NUP214: variants seen among roughly 807,000 people sequenced by gnomAD.
The protein encoded by NUP214 is nuclear pore complex protein Nup214.
In NUP214, 79 loss-of-function variants were observed where a neutral mutation model predicts 196.2. The observed-to-expected ratio is 0.40, with a 90% CI of 0.34 to 0.49. The LOEUF (loss-of-function observed/expected upper bound fraction) is 0.49. NUP214 is among the 20% of genes least tolerant of loss of function. The pLI is 0.58. For missense variants in NUP214, 2,468 were observed against 2,539.0 expected (o/e 0.97, Z 0.60); for synonymous variants, 1,020 against 990.5 (o/e 1.03, Z -0.56).
At chr9:131,191,887 G>C (rs966169314) in intron 26 of NUP214, 1 of 181,608 alleles carries the variant, frequency 5.5e-6, no homozygotes, top group East Asian at 1.3e-4. Context: ...CCATACCATT[G>C]AAATATATAA....
intron 23 of NUP214, among the ~76,000 whole-genome samples, chr9:131,177,332 A>G (rs938681251): frequency 2.0e-5 from 3 of 152,218 alleles, no homozygotes; most frequent in Non-Finnish European, 4.4e-5. Context: ...TACTTGGACC[A>G]GGTAGAATCT....
At chr9:131,223,248 C>T (rs1300981478) in intron 32 of NUP214, among the ~76,000 whole-genome samples, 3 of 151,816 alleles carry the variant, frequency 2.0e-5, no homozygotes, top group African/African-American at 7.3e-5. Flanking sequence ...CTCACAGCAA[C>T]CTCCAACTCC....
At chr9:131,213,959 G>A (rs572608294) in intron 30 of NUP214, among the ~76,000 whole-genome samples, 16 of 152,332 alleles carry the variant, frequency 1.1e-4, no homozygotes, top group African/African-American at 3.8e-4. Context: ...GACAGATCAT[G>A]TTGGGCCTTC....
In NUP214 at chr9:131,140,666, C is replaced by T. The variant is rs750448660; in HGVS notation, c.1250C>T (p.Pro417Leu). 6.2e-7 allele frequency: 1 copy of T among 1,613,934 alleles called. No individual in the cohort carries two copies. The change falls in exon 11 of 36, where the codon CCA becomes CTA. Residue 417 changes from proline to leucine, a missense_variant. Physicochemically the swap from Pro to Leu is moderately conservative, Grantham distance 98. Coordinates refer to ENST00000359428, the MANE Select transcript of NUP214 (RefSeq NM_005085.4). ...GGGGTTAAGTCTCTCATCAAAACAC[C>T]AGAGCGACTTTCATTAGAAGGAGAG... ...NPGVKSLIKT[P>L]ERLSLEGERQ...
chr9:131,152,996 G>A (rs760530484), intron 17 of NUP214, among the ~76,000 whole-genome samples: 1 of 151,950 alleles, frequency 6.6e-6, no homozygotes, highest in Non-Finnish European at 1.5e-5. Flanking sequence ...GGCTGGTCTC[G>A]AACTCCTGAG....
In NUP214 at chr9:131,139,240, T is replaced by TTTCTTC. The variant is rs750793721; in HGVS notation, c.1006-29_1006-24dup. 9 of 1,451,330 alleles carry TTTCTTC rather than the reference T, an allele frequency of 6.2e-6. No homozygotes were observed. In the African/African-American group the frequency reaches 8.8e-5, roughly 14 times the overall value. 89.9% of individuals were successfully genotyped at this position (1,451,330 alleles called of 1,614,324 possible). Reference sequence around the variant, plus strand: ...CTCTAACCAACATGGCTTTTTCTTTTTTCTTCTTCTTCTTCTTTTTTTTTT... The same window carrying TTTCTTC: ...CTCTAACCAACATGGCTTTTTCTTTTTTCTTCTTCTTCTTCTTCTTCTTTTTTTTTT... On this transcript the variant is annotated intron_variant, in intron 9 of 35. Transcript: ENST00000359428.
Position 131,132,116 on chromosome 9 carries a change from TTTC to T in NUP214, c.664-477_664-475del, listed in dbSNP as rs1324424202. ...GCGTTCATGCGTTTCTTTTCTTTTC[TTTC>T]TTTTTTTTTTTTTTTTGGAGACCAA... On this transcript the variant is annotated intron_variant, in intron 5 of 35. Transcript: ENST00000359428. 2.8e-3 allele frequency among the ~76,000 whole-genome samples: 16 copies of T among 5,674 alleles called. 3 individuals are homozygous for T. Among genetic ancestry groups the T allele is most frequent in the South Asian group, 0.032 (2 of 62 alleles). The allele number at this position is 5,674 out of a possible 152,430, so 3.7% of individuals were successfully genotyped here.
intron 17 of NUP214, among the ~76,000 whole-genome samples, chr9:131,158,533 C>A (rs1588138275): frequency 6.6e-6 from 1 of 152,152 alleles, no homozygotes; most frequent in East Asian, 1.9e-4. Context: ...TGATAGTGTT[C>A]TTTGATTTTG....
At chr9:131,164,310 G>T (rs1832724727) in intron 21 of NUP214, 166 bp downstream of exon 21, 1 of 619,598 alleles carries the variant, frequency 1.6e-6, no homozygotes, top group Non-Finnish European at 2.8e-6. Flanking sequence ...AATGTCTCCA[G>T]AATCTGTTGT....
chr9:131,126,094 G>A (rs1831338847), intron 1 of NUP214: 1 of 314,070 alleles, frequency 3.2e-6, no homozygotes, highest in East Asian at 6.9e-5. Flanking sequence ...ACGTAGAGGA[G>A]TAAGTTGAGG....
At chr9:131,173,166 C>T (rs556048872) in intron 21 of NUP214, among the ~76,000 whole-genome samples, 1 of 152,268 alleles carries the variant, frequency 6.6e-6, no homozygotes, top group South Asian at 2.1e-4. Flanking sequence ...AAGCGATTCT[C>T]CTGCCTCAGC....
At chr9:131,167,398 T>A (rs187887224) in intron 21 of NUP214, 9 of 152,388 alleles carry the variant, frequency 5.9e-5, no homozygotes, top group African/African-American at 2.2e-4. Context: ...CTGTTGGACA[T>A]GTGCTGCTTT....
intron 30 of NUP214, among the ~76,000 whole-genome samples, chr9:131,214,567 T>G (rs1462094937): frequency 6.6e-6 from 1 of 152,186 alleles, no homozygotes; most frequent in Non-Finnish European, 1.5e-5. Context: ...AGAACCAGCT[T>G]CCAGAGAAGT....
At chr9:131,151,256 C>T (rs1422428910) in intron 16 of NUP214, among the ~76,000 whole-genome samples, 2 of 152,212 alleles carry the variant, frequency 1.3e-5, no homozygotes, top group African/African-American at 4.8e-5. Context: ...TGTATTATCT[C>T]ACTGAATCCT....
intron 21 of NUP214, among the ~76,000 whole-genome samples, chr9:131,168,276 A>C (rs1832844400): frequency 6.6e-6 from 1 of 152,232 alleles, no homozygotes; most frequent in East Asian, 1.9e-4. Context: ...CTGTTTAAGA[A>C]ATCCTCTATC....
Position 131,195,271 on chromosome 9 carries a change from C to T in NUP214, c.3698C>T (p.Ser1233Phe), listed in dbSNP as rs554027256. 2 of 1,613,496 alleles carry T rather than the reference C, an allele frequency of 1.2e-6. No homozygotes were observed. The highest frequency in any genetic ancestry group is 2.2e-5 in the East Asian group (1 of 44,866). The part of the protein sequence containing the change: ...FNFGIITPTP[S>F]SNFTAAQGAT... Reference sequence around the variant, plus strand: ...TTTGGGATAATCACACCAACACCGTCTTCTAATTTCACTGCTGCACAAGGT... The same window carrying T: ...TTTGGGATAATCACACCAACACCGTTTTCTAATTTCACTGCTGCACAAGGT... Residue 1233 changes from serine to phenylalanine, a missense_variant, in exon 28 of 36, where the codon TCT becomes TTT. Transcript: ENST00000359428.
In NUP214 at chr9:131,150,734, C is replaced by T. The variant is rs1832233053; in HGVS notation, c.2246C>T (p.Thr749Ile). Reference sequence around the variant, plus strand: ...CGAACAGAATCAGATGACTTGCATACCTTTCTTTTGGAGATTAAAGAGACC... The same window carrying T: ...CGAACAGAATCAGATGACTTGCATATCTTTCTTTTGGAGATTAAAGAGACC... ...MLRTESDDLH[T>I]FLLEIKETTE... Residue 749 changes from threonine to isoleucine, a missense_variant, in exon 16 of 36, where the codon ACC becomes ATC. By Grantham distance (89) the Thr-to-Ile change is moderately conservative. Coordinates refer to ENST00000359428, the MANE Select transcript of NUP214 (RefSeq NM_005085.4). 1 of 1,613,548 alleles carries T rather than the reference C, an allele frequency of 6.2e-7. No individual in the cohort carries two copies. The highest frequency in any genetic ancestry group is 1.3e-5 in the African/African-American group (1 of 74,898).
intron 7 of NUP214, chr9:131,133,722 T>C (rs886216224): frequency 1.3e-5 from 2 of 152,146 alleles, no homozygotes; most frequent in East Asian, 1.9e-4. Flanking sequence ...TCTACTGTTA[T>C]GAGGTTAAAA....
chr9:131,145,195 C>T (rs569961110), intron 12 of NUP214, among the ~76,000 whole-genome samples: 2 of 152,036 alleles, frequency 1.3e-5, no homozygotes, highest in South Asian at 2.1e-4. Flanking sequence ...TTAGGTGATT[C>T]TTCTGCTTGA....
Sources: allele counts gnomAD v4.1 joint callset (sites outside exome capture counted in the v4.1 genomes callset), GRCh38; gene constraint gnomAD v4.1.1; transcripts MANE v1.5; gene names NCBI Gene and HGNC (gene_info 2026-07-23, HGNC 2026-07-21).